The following DMD variants were observed in gnomAD, a reference collection of about 807,000 sequenced individuals.
DMD encodes mutant dystrophin.
DMD carries 63 observed loss-of-function variants against 330.1 expected under a neutral mutation model. That is an observed-to-expected ratio of 0.19 (90% CI 0.16 to 0.24). DMD has a LOEUF of 0.24. Among genes scored for constraint, DMD ranks in the 10% least tolerant of loss-of-function variants. The pLI is 1.00. For synonymous variants in DMD, 1,223 were observed against 959.8 expected, an observed-to-expected ratio of 1.27 and a Z score of -5.07; for missense variants, 3,344 against 2,684.1, an observed-to-expected ratio of 1.25 and a Z score of -5.43.
intron 2 of DMD, among the ~76,000 whole-genome samples, chrX:32,994,769 T>C (rs2093071922): frequency 8.9e-6 from 1 of 112,072 alleles, no homozygotes; most frequent in African/African-American, 3.2e-5. Context: ...AATATATTCA[T>C]AGATTAAAAT....
chrX:32,697,057 A>G (rs2063711359), intron 9 of DMD, among the ~76,000 whole-genome samples: 1 of 112,106 alleles, frequency 8.9e-6, no homozygotes, highest in Non-Finnish European at 1.9e-5. Context: ...TTCATAGTGT[A>G]GTTTTGATAA....
At chrX:32,572,978 C>A (rs901408151) in intron 15 of DMD, among the ~76,000 whole-genome samples, 6 of 111,536 alleles carry the variant, frequency 5.4e-5, no homozygotes, top group African/African-American at 2.0e-4. Flanking sequence ...CTCCCCTTCT[C>A]CTTCTGCCAT....
chrX:32,467,544 T>C (rs1161949288), intron 23 of DMD, among the ~76,000 whole-genome samples: 1 of 109,642 alleles, frequency 9.1e-6, no homozygotes, highest in East Asian at 2.8e-4. Flanking sequence ...ATATGTAACA[T>C]TAATATACAT....
chrX:32,079,871 C>T (rs1392552245), intron 44 of DMD, among the ~76,000 whole-genome samples: 2 of 111,826 alleles, frequency 1.8e-5, no homozygotes, highest in Non-Finnish European at 3.8e-5. Flanking sequence ...ATTGCACGTC[C>T]TGTAATAGGT....
chrX:32,813,704 G>A (rs1428503686), intron 6 of DMD, among the ~76,000 whole-genome samples: 1 of 111,373 alleles, frequency 9.0e-6, no homozygotes, highest in East Asian at 2.8e-4. Context: ...AAATACTACT[G>A]ATGCAAACAG....
chrX:31,605,976 C>T (rs994596176), intron 55 of DMD, among the ~76,000 whole-genome samples: 2 of 111,496 alleles, frequency 1.8e-5, no homozygotes, highest in Non-Finnish European at 3.8e-5. Flanking sequence ...ACCCCACAAT[C>T]TCATCTTAAA....
intron 7 of DMD, among the ~76,000 whole-genome samples, chrX:32,763,265 T>A (rs2099993180): frequency 8.9e-6 from 1 of 112,462 alleles, no homozygotes. Context: ...TACTTTTAAA[T>A]CATTTTAATG....
intron 44 of DMD, among the ~76,000 whole-genome samples, chrX:31,986,753 T>C (rs943764709): frequency 8.9e-6 from 1 of 112,320 alleles, no homozygotes; most frequent in East Asian, 2.8e-4. Flanking sequence ...TTTTCTACAC[T>C]GAGCTTTAAA....
chrX:32,857,104 T>G (rs1406053907), intron 2 of DMD, among the ~76,000 whole-genome samples: 2 of 111,202 alleles, frequency 1.8e-5, no homozygotes, highest in Non-Finnish European at 3.8e-5. Context: ...AAGTGGAATG[T>G]TTGTGGCACA....
At chrX:32,818,546 A>T (rs2077946649) in intron 5 of DMD, among the ~76,000 whole-genome samples, 1 of 111,768 alleles carries the variant, frequency 8.9e-6, no homozygotes, top group African/African-American at 3.3e-5. Context: ...ATTTAAACAG[A>T]TGTATTTGTG....
intron 60 of DMD, among the ~76,000 whole-genome samples, chrX:31,361,770 C>CTTTTTT (rs1174751121): frequency 1.1e-5 from 1 of 93,450 alleles, no homozygotes; most frequent in African/African-American, 4.1e-5. Flanking sequence ...CTCTTACCAT[C>CTTTTTT]TTTTTTTTTT....
In DMD at chrX:31,209,675, G is replaced by A; in HGVS notation, c.9386C>T (p.Ala3129Val). The change falls in exon 65 of 79, where the codon GCA becomes GTA. Residue 3129 changes from alanine (A) to valine (V), a missense_variant. Transcript: ENST00000357033. ...LCLDLLSLSA[A>V]CDALDQHNLK... ...GTTGTGCTGGTCCAAGGCATCACAT[G>A]CAGCTGACAGGCTCAAGAGATCCAC... 1 of 1,211,128 alleles carries A rather than the reference G, an allele frequency of 8.3e-7. No homozygotes were observed. The highest frequency in any genetic ancestry group is 3.0e-5 in the East Asian group (1 of 33,826).
intron 43 of DMD, among the ~76,000 whole-genome samples, chrX:32,256,061 T>C (rs988502481): frequency 3.6e-5 from 4 of 111,319 alleles, no homozygotes; most frequent in African/African-American, 6.5e-5. Context: ...GTCTCGTTAA[T>C]CTAATATTGA....
intron 62 of DMD, among the ~76,000 whole-genome samples, chrX:31,305,367 T>C (rs1238844618): frequency 9.0e-6 from 1 of 111,710 alleles, no homozygotes; most frequent in Non-Finnish European, 1.9e-5. Flanking sequence ...AAAACTTGAT[T>C]TTCCCTACCA....
chrX:33,146,843 A>G (rs992969169), intron 1 of DMD, among the ~76,000 whole-genome samples: 7 of 110,097 alleles, frequency 6.4e-5, no homozygotes, highest in African/African-American at 6.6e-5. Context: ...TTTCTTTTTG[A>G]GACGAGTCTT....
chrX:32,703,185 T>C (rs1197487107), intron 7 of DMD, among the ~76,000 whole-genome samples: 4 of 111,467 alleles, frequency 3.6e-5, no homozygotes, highest in African/African-American at 1.3e-4. Context: ...GAAATGTTCT[T>C]AGATTGCTGG....
At chrX:32,101,374 G>A (rs748464166) in intron 44 of DMD, among the ~76,000 whole-genome samples, 15 of 110,959 alleles carry the variant, frequency 1.4e-4, no homozygotes, top group South Asian at 7.7e-4. Flanking sequence ...GAAGAAGCTC[G>A]GAAACCTCAC....
chrX:31,638,336 CAT>C (rs1491119271), intron 54 of DMD, among the ~76,000 whole-genome samples: 6 of 111,466 alleles, frequency 5.4e-5, no homozygotes, highest in African/African-American at 2.0e-4. Context: ...TTTTATCACC[CAT>C]AAGTTTGATG....
intron 55 of DMD, chrX:31,508,229 G>A (rs2071144051): frequency 8.3e-7 from 1 of 1,204,501 alleles, no homozygotes; most frequent in Admixed American, 2.2e-5. Flanking sequence ...ATGTCTTCCT[G>A]TGTAACATTT....
Sources: allele counts gnomAD v4.1 joint callset (sites outside exome capture counted in the v4.1 genomes callset), GRCh38; gene constraint gnomAD v4.1.1; transcripts MANE v1.5; gene names NCBI Gene and HGNC (gene_info 2026-07-23, HGNC 2026-07-21).